Variants in ELL observed in about 807,000 individuals in gnomAD.
The protein encoded by ELL is elongation factor for RNA polymerase II.
In ELL, 18 loss-of-function variants were observed where a neutral mutation model predicts 64.0. The ratio of observed to expected loss-of-function variants is 0.28; its 90% CI spans 0.19 to 0.42. The LOEUF (loss-of-function observed/expected upper bound fraction) is 0.42. Ranked by LOEUF, ELL falls within the 10% of genes least tolerant of loss-of-function variation. The pLI, the probability that ELL is intolerant of heterozygous loss-of-function variation, is 1.00. For missense variants in ELL, 797 were observed against 870.4 expected (o/e 0.92, Z 1.06); for synonymous variants, 399 against 376.2 (o/e 1.06, Z -0.70).
rs1449557234 is a variant in ELL, at chr19:18,465,571, C to T, written c.310G>A (p.Gly104Arg). ...DCIQQYVSSH[G>R]EVHLDCLGSI... ...CCCAGGCAGTCCAGGTGAACTTCCC[C>T]ATGACTGCAAGACAAGGCCAGGAGC... Residue 104 changes from glycine to arginine, a missense_variant, in exon 4 of 12, where the codon GGG (glycine) becomes AGG (arginine). By Grantham distance (125) the Gly-to-Arg change is moderately radical. Coordinates refer to ENST00000262809, the MANE Select transcript of ELL (RefSeq NM_006532.4). The T allele has an allele frequency of 6.3e-7, 1 of 1,590,274 alleles. No homozygotes were observed. Among genetic ancestry groups the T allele is most frequent in the South Asian group, 1.1e-5 (1 of 89,656 alleles).
chr19:18,467,063 G>C (rs4808802), intron 2 of ELL, among the ~76,000 whole-genome samples: 45,140 of 152,116 alleles, frequency 0.3, 7,978 homozygotes, highest in African/African-American at 0.49. Flanking sequence ...GTGTGGCCTT[G>C]ACTGGGACTT....
intron 1 of ELL, among the ~76,000 whole-genome samples, chr19:18,516,318 C>A (rs905759700): frequency 6.6e-6 from 1 of 152,160 alleles, no homozygotes; most frequent in East Asian, 1.9e-4. Flanking sequence ...TCACACCCTT[C>A]CCTGCGACAG....
chr19:18,467,781 A>AT (rs1456010250), intron 2 of ELL, among the ~76,000 whole-genome samples: 1 of 85,070 alleles, frequency 1.2e-5, no homozygotes, highest in Non-Finnish European at 2.3e-5. Flanking sequence ...CCCACACACA[A>AT]CCCCCCACAA....
At chr19:18,500,955 A>AACTCCACAGAGTTGACTCTGTG (rs560953037) in intron 1 of ELL, among the ~76,000 whole-genome samples, 2 of 152,122 alleles carry the variant, frequency 1.3e-5, no homozygotes, top group Non-Finnish European at 2.9e-5. Flanking sequence ...CGCCAAATTC[A>AACTCCACAGAGTTGACTCTGTG]ACTCCACAGA....
At chr19:18,500,831 C>G (rs1206638174) in intron 1 of ELL, among the ~76,000 whole-genome samples, 1 of 152,206 alleles carries the variant, frequency 6.6e-6, no homozygotes, top group Non-Finnish European at 1.5e-5. Flanking sequence ...CTGAGGTACA[C>G]TGAAGCATAC....
chr19:18,498,747 C>T (rs552791397), intron 1 of ELL, among the ~76,000 whole-genome samples: 8 of 152,212 alleles, frequency 5.3e-5, no homozygotes, highest in Admixed American at 3.3e-4. Context: ...CTCAGGAGTT[C>T]GAGACCAGCC....
chr19:18,461,555 C>A (rs776090666), intron 5 of ELL, 23 bp downstream of exon 5: 6 of 1,577,176 alleles, frequency 3.8e-6, no homozygotes, highest in Non-Finnish European at 5.1e-6. Flanking sequence ...CTGGTAAAGA[C>A]AAGACATCGG....
At chr19:18,484,047 C>G (rs927363294) in intron 1 of ELL, among the ~76,000 whole-genome samples, 1 of 152,236 alleles carries the variant, frequency 6.6e-6, no homozygotes, top group African/African-American at 2.4e-5. Flanking sequence ...TGGGCACCTG[C>G]TGCACAAGTA....
At chr19:18,464,589 G>A (rs1974897494) in intron 4 of ELL, among the ~76,000 whole-genome samples, 1 of 152,150 alleles carries the variant, frequency 6.6e-6, no homozygotes, top group African/African-American at 2.4e-5. Flanking sequence ...TCAGCAAAGG[G>A]AAATCACGTG....
At chr19:18,477,041 G>A (rs768089634) in intron 1 of ELL, among the ~76,000 whole-genome samples, 26 of 152,158 alleles carry the variant, frequency 1.7e-4, no homozygotes, top group African/African-American at 5.1e-4. Context: ...AAAATGAGTC[G>A]GCACAAAGAC....
intron 1 of ELL, among the ~76,000 whole-genome samples, chr19:18,473,707 C>T (rs1027143900): frequency 5.9e-5 from 9 of 152,218 alleles, no homozygotes; most frequent in African/African-American, 1.9e-4. Context: ...CTTCTTCCCT[C>T]TTCCCAACCT....
Position 18,486,899 on chromosome 19 carries a change from C to A in ELL, c.136-14017G>T, listed in dbSNP as rs1477529865. Among the ~76,000 whole-genome samples the A allele has an allele frequency of 3.3e-5, 5 of 152,322 alleles. No homozygotes were observed. The East Asian group carries it at 7.7e-4, about 24-fold the overall frequency. ...CCACATCTGGACCTCAGGGATGTGA[C>A]CTTGCCAGCCACAAAGGTTGGCATC... On this transcript the variant is annotated intron_variant, in intron 1 of 11. Transcript: ENST00000262809.
chr19:18,472,439 A>G, intron 2 of ELL: 1 of 220,902 alleles, frequency 4.5e-6, no homozygotes, highest in Non-Finnish European at 8.8e-6. Flanking sequence ...AGAATCTAAT[A>G]ACAGGCTCAG....
chr19:18,456,744 C>G (rs947284141), intron 6 of ELL, among the ~76,000 whole-genome samples: 2 of 152,036 alleles, frequency 1.3e-5, no homozygotes, highest in African/African-American at 2.4e-5. Context: ...AAACCACCCC[C>G]CAAAGCCACA....
chr19:18,514,468 C>T (rs1413429147), intron 1 of ELL, among the ~76,000 whole-genome samples: 5 of 140,892 alleles, frequency 3.5e-5, no homozygotes, highest in African/African-American at 1.3e-4. Flanking sequence ...GAGCTGAGAT[C>T]ACACCACTGC....
chr19:18,481,078 A>G (rs1975290537), intron 1 of ELL, among the ~76,000 whole-genome samples: 1 of 152,198 alleles, frequency 6.6e-6, no homozygotes, highest in Non-Finnish European at 1.5e-5. Flanking sequence ...TGCTTTTCCC[A>G]GGACAGCACG....
chr19:18,455,490 A>C (rs939529113), intron 6 of ELL, among the ~76,000 whole-genome samples: 10 of 149,970 alleles, frequency 6.7e-5, no homozygotes, highest in Non-Finnish European at 1.3e-4. Flanking sequence ...ACTCTGTCTC[A>C]GGAAAAAAAA....
intron 1 of ELL, among the ~76,000 whole-genome samples, chr19:18,476,939 G>A (rs1389444898): frequency 6.6e-6 from 1 of 152,172 alleles, no homozygotes; most frequent in Non-Finnish European, 1.5e-5. Flanking sequence ...ATCGGGCAGG[G>A]ACCCACCTCA....
chr19:18,462,179 AGTGTGTGTGTGTGTGTGT>A (rs758119031), intron 4 of ELL, among the ~76,000 whole-genome samples: 5 of 120,042 alleles, frequency 4.2e-5, no homozygotes, highest in Non-Finnish European at 6.8e-5. Flanking sequence ...TCTGGTGGGC[AGTGTGTGTGTGTGTGTGT>A]GTGTGTGTGT....
Sources: allele counts gnomAD v4.1 joint callset (sites outside exome capture counted in the v4.1 genomes callset), GRCh38; gene constraint gnomAD v4.1.1; transcripts MANE v1.5; gene names NCBI Gene and HGNC (gene_info 2026-07-23, HGNC 2026-07-21).